DGKB: variants seen among roughly 807,000 people sequenced by gnomAD.
DGKB encodes the protein diacylglycerol kinase beta.
In DGKB, 67 loss-of-function variants were observed where a neutral mutation model predicts 114.3. That is an observed-to-expected ratio of 0.59 (90% confidence interval 0.48 to 0.72). DGKB has a LOEUF of 0.72. Ranked by LOEUF, DGKB falls within the 30% of genes least tolerant of loss-of-function variation. The pLI, the probability that DGKB is intolerant of heterozygous loss-of-function variation, is 0.00. For synonymous variants in DGKB, 398 were observed against 323.1 expected (o/e 1.23, Z -2.49); for missense variants, 907 against 975.2 (o/e 0.93, Z 0.93).
chr7:14,495,218 A>G (rs1785128121), intron 20 of DGKB, among the ~76,000 whole-genome samples: 1 of 151,844 alleles, frequency 6.6e-6, no homozygotes, highest in Admixed American at 6.6e-5. Flanking sequence ...AATCTATAAT[A>G]CTATTGCACA....
At chr7:14,235,170 C>T (rs568955026) in intron 23 of DGKB, among the ~76,000 whole-genome samples, 3 of 152,164 alleles carry the variant, frequency 2.0e-5, no homozygotes, top group African/African-American at 7.2e-5. Flanking sequence ...GCTGAGACCA[C>T]AGAGGTTAGC....
intron 23 of DGKB, among the ~76,000 whole-genome samples, chr7:14,207,145 C>G (rs1786960140): frequency 6.6e-6 from 1 of 152,034 alleles, no homozygotes; most frequent in Non-Finnish European, 1.5e-5. Context: ...TAGAGGGCTA[C>G]AGAAGCTCTC....
intron 23 of DGKB, among the ~76,000 whole-genome samples, chr7:14,259,405 C>CTATATA (rs1378019037): frequency 3.2e-5 from 3 of 95,024 alleles, no homozygotes; most frequent in South Asian, 3.0e-4. Context: ...CTCTCTCTCT[C>CTATATA]TCTATATATA....
chr7:14,318,924 T>C (rs2128526687), intron 23 of DGKB, among the ~76,000 whole-genome samples: 1 of 152,256 alleles, frequency 6.6e-6, no homozygotes, highest in African/African-American at 2.4e-5. Flanking sequence ...TAAGAAAATG[T>C]GGCACATATA....
At chr7:14,892,718 G>C (rs546270923) in intron 1 of DGKB, among the ~76,000 whole-genome samples, 1 of 151,022 alleles carries the variant, frequency 6.6e-6, no homozygotes, top group Non-Finnish European at 1.5e-5. Flanking sequence ...AAACTCTACA[G>C]AGAAAATTTA....
intron 1 of DGKB, among the ~76,000 whole-genome samples, chr7:14,961,369 A>G (rs1786834284): frequency 6.6e-6 from 1 of 152,046 alleles, no homozygotes; most frequent in African/African-American, 2.4e-5. Flanking sequence ...AACCTTTCTA[A>G]TTTAAGCACA....
intron 2 of DGKB, among the ~76,000 whole-genome samples, chr7:14,828,752 T>C (rs1846032801): frequency 6.6e-6 from 1 of 152,112 alleles, no homozygotes; most frequent in Non-Finnish European, 1.5e-5. Context: ...TGAAGACAAA[T>C]TCTGGACAAA....
chr7:14,165,458 T>G (rs1784483592), intron 25 of DGKB, among the ~76,000 whole-genome samples: 1 of 152,184 alleles, frequency 6.6e-6, no homozygotes, highest in Admixed American at 6.5e-5. Flanking sequence ...ATTTTTTAAT[T>G]TCTCAAATTT....
At chr7:14,748,804 T>G (rs1330194051) in intron 4 of DGKB, among the ~76,000 whole-genome samples, 1 of 152,192 alleles carries the variant, frequency 6.6e-6, no homozygotes, top group Admixed American at 6.5e-5. Context: ...TTTTTCTAAC[T>G]AGCTCACCAC....
intron 20 of DGKB, among the ~76,000 whole-genome samples, chr7:14,488,083 G>A (rs1406045613): frequency 2.0e-5 from 3 of 152,030 alleles, no homozygotes; most frequent in Admixed American, 1.3e-4. Context: ...TACAGCTAGG[G>A]AACCAGATGA....
intron 21 of DGKB, among the ~76,000 whole-genome samples, chr7:14,438,721 T>C (rs1253524322): frequency 6.6e-6 from 1 of 152,146 alleles, no homozygotes; most frequent in Non-Finnish European, 1.5e-5. Flanking sequence ...CAAGATGTCC[T>C]TCTAGCAATC....
intron 21 of DGKB, among the ~76,000 whole-genome samples, chr7:14,380,656 A>G (rs938057997): frequency 6.6e-6 from 1 of 152,234 alleles, no homozygotes; most frequent in African/African-American, 2.4e-5. Flanking sequence ...AACAAATTTA[A>G]TAATAAGGAG....
chr7:14,716,998 CAAA>C (rs1375004132), intron 6 of DGKB, among the ~76,000 whole-genome samples: 1 of 150,602 alleles, frequency 6.6e-6, no homozygotes, highest in African/African-American at 2.4e-5. Flanking sequence ...CTGGGAAACT[CAAA>C]GAAAAAAACA....
chr7:14,233,262 C>T (rs1008958751), intron 23 of DGKB, among the ~76,000 whole-genome samples: 5 of 152,008 alleles, frequency 3.3e-5, no homozygotes, highest in Admixed American at 1.3e-4. Flanking sequence ...CAATTCCCCA[C>T]CCTAGTCTGG....
At chr7:14,674,847 G>C (rs1196351755) in intron 12 of DGKB, among the ~76,000 whole-genome samples, 1 of 152,108 alleles carries the variant, frequency 6.6e-6, no homozygotes, top group Non-Finnish European at 1.5e-5. Context: ...AGCCTTCAGA[G>C]GGAGGATGAC....
At chr7:14,841,124 C>A in intron 2 of DGKB, 70 bp downstream of exon 2, 1 of 1,354,998 alleles carries the variant, frequency 7.4e-7, no homozygotes, top group Non-Finnish European at 1.0e-6. Flanking sequence ...ATGATCCATT[C>A]TTATAAATAA....
chr7:14,950,991 G>T (rs1786170735), intron 1 of DGKB, among the ~76,000 whole-genome samples: 1 of 151,742 alleles, frequency 6.6e-6, no homozygotes, highest in Admixed American at 6.6e-5. Context: ...AAAACAGAAA[G>T]CATATAATCA....
At chr7:14,951,837 A>G (rs1312110771) in intron 1 of DGKB, among the ~76,000 whole-genome samples, 1 of 151,994 alleles carries the variant, frequency 6.6e-6, no homozygotes, top group East Asian at 1.9e-4. Flanking sequence ...AAAGTCTATT[A>G]AAAATAAAAA....
At chr7:14,810,322 G>C (rs867814926) in intron 2 of DGKB, among the ~76,000 whole-genome samples, 1 of 152,098 alleles carries the variant, frequency 6.6e-6, no homozygotes, top group Non-Finnish European at 1.5e-5. Flanking sequence ...TACCCAGACT[G>C]ATTGGATCTT....
Sources: gnomAD v4.1 joint callset for allele counts (sites outside exome capture counted in the v4.1 genomes callset) on GRCh38, gnomAD v4.1.1 for gene constraint, MANE v1.5 for transcripts, NCBI Gene and HGNC (gene_info 2026-07-23, HGNC 2026-07-21) for gene names.